The following HMCN2 variants were observed in gnomAD, a reference collection of about 807,000 sequenced individuals.
The protein encoded by HMCN2 is hemicentin 2.
A neutral mutation model predicts 377.5 loss-of-function variants in HMCN2; 325 were observed. That is an observed-to-expected ratio of 0.86 (90% confidence interval 0.79 to 0.94). HMCN2 has a LOEUF of 0.94. Ranked by LOEUF, HMCN2 falls within the 40% of genes least tolerant of loss-of-function variation. The pLI is 0.00. For synonymous variants in HMCN2, 2,007 were observed against 2,046.8 expected (o/e 0.98, Z 0.53); for missense variants, 4,543 against 4,725.3 (o/e 0.96, Z 1.13).
intron 4 of HMCN2, among the ~76,000 whole-genome samples, chr9:130,288,124 A>AT (rs1320391978): frequency 6.6e-6 from 1 of 152,180 alleles, no homozygotes; most frequent in Admixed American, 6.5e-5. Flanking sequence ...GGCCAATTGC[A>AT]TGGGAACTTG....
chr9:130,403,735 G>C lies in HMCN2; in HGVS notation c.12014-6G>C, dbSNP rs982843669. 1 of 1,289,456 alleles carries C rather than the reference G, an allele frequency of 7.8e-7. No homozygotes were observed. Among genetic ancestry groups the C allele is most frequent in the South Asian group, 1.2e-5 (1 of 80,986 alleles). 79.9% of individuals were successfully genotyped at this position (1,289,456 alleles called of 1,614,324 possible). Reference sequence around the variant, plus strand: ...CAGGCCCCCGATTTTCTTCTTCCTCGTTCAGGAGTGAGTACCCAGGTCCTA... The same window carrying C: ...CAGGCCCCCGATTTTCTTCTTCCTCCTTCAGGAGTGAGTACCCAGGTCCTA... On this transcript the variant is annotated splice_region_variant and splice_polypyrimidine_tract_variant and intron_variant, in intron 79 of 97. Transcript: ENST00000683500.
At chr9:130,397,400 CAG>C (rs1179530799) in intron 73 of HMCN2, 126 bp from the exon 74 acceptor site, 1 of 913,390 alleles carries the variant, frequency 1.1e-6, no homozygotes, top group Non-Finnish European at 1.5e-6. Flanking sequence ...TGGGTGGAGA[CAG>C]AGCCAAACCA....
intron 92 of HMCN2, 83 bp downstream of exon 92, chr9:130,427,702 C>T: frequency 1.4e-6 from 2 of 1,454,072 alleles, no homozygotes; most frequent in Non-Finnish European, 1.8e-6. Flanking sequence ...GGGCCAGGAC[C>T]CTGGCTGGGG....
At chr9:130,268,369 A>T (rs1372380359) in intron 1 of HMCN2, among the ~76,000 whole-genome samples, 2 of 124,370 alleles carry the variant, frequency 1.6e-5, no homozygotes, top group Non-Finnish European at 4.0e-5. Flanking sequence ...CTTCCGAGTG[A>T]CACCCCCAGG....
At chr9:130,432,998 T>C (rs1844853903) in intron 97 of HMCN2, 2 of 378,796 alleles carry the variant, frequency 5.3e-6, no homozygotes. Flanking sequence ...CTAAGCGCAG[T>C]CTCCACCTCC....
chr9:130,398,726 C>T lies in HMCN2; in HGVS notation c.11483+19C>T, dbSNP rs377444157. The T allele has an allele frequency of 1.9e-4, 249 of 1,285,882 alleles. 1 individual carries two copies. The East Asian group carries it at 4.0e-3, about 20-fold the overall frequency. The allele number at this position is 1,285,882 out of a possible 1,614,324, so 79.7% of individuals were successfully genotyped here. On this transcript the variant is annotated intron_variant, in intron 75 of 97. Transcript: ENST00000683500. ...CCTACCGGTAACGAGCTGGACTTTGCGGTGGCTTCCTGAGACGCACAGGGC... is the reference window on the plus strand; with the variant it reads ...CCTACCGGTAACGAGCTGGACTTTGTGGTGGCTTCCTGAGACGCACAGGGC...
In HMCN2 at chr9:130,337,980, C is replaced by A. The variant is rs1449519079; in HGVS notation, c.3446C>A (p.Pro1149His). 6.6e-6 allele frequency: 1 copy of A among 152,522 alleles called. No homozygotes were observed. The highest frequency in any genetic ancestry group is 1.5e-5 in the Non-Finnish European group (1 of 68,322). 9.4% of individuals were successfully genotyped at this position (152,522 alleles called of 1,614,324 possible). Residue 1149 changes from proline (P) to histidine (H), a missense_variant, in exon 23 of 98, where the codon CCC (proline) becomes CAC (histidine). Pro to His is a moderately conservative substitution (Grantham distance 77). Around this residue, in one of 5 missense-constraint regions of HMCN2, gnomAD observed 547 missense variants for 189.9 expected, o/e 2.88. Transcript: ENST00000683500. ...CACTACGAGTGCACAGCCAGTAACC[C>A]CGCCGGGTCCGCCTCCCATCGCTAC... ...SGHYECTASN[P>H]AGSASHRYVL...
Position 130,303,044 on chromosome 9 carries a change from C to T in HMCN2, c.1421+43C>T, listed in dbSNP as rs531744641. ...GCTGATTGTCCCCAGCCACAGGGCT[C>T]CTGGCTGCTGAGGCCCTGGAGGGAT... On this transcript the variant is annotated intron_variant, in intron 9 of 97. Coordinates refer to ENST00000683500, the MANE Select transcript of HMCN2 (RefSeq NM_001291815.2). The surrounding 1 kb of genome is among the most constrained non-coding windows in gnomAD (Gnocchi z 5.2). 4 of 446,220 alleles carry T rather than the reference C, an allele frequency of 9.0e-6. No homozygotes were observed. Among genetic ancestry groups the T allele is most frequent in the South Asian group, 6.7e-5 (4 of 60,066 alleles). 27.6% of individuals were successfully genotyped at this position (446,220 alleles called of 1,614,324 possible).
At chr9:130,367,636 G>A (rs1840766104) in intron 43 of HMCN2, among the ~76,000 whole-genome samples, 1 of 151,872 alleles carries the variant, frequency 6.6e-6, no homozygotes, top group Non-Finnish European at 1.5e-5. Context: ...AGGCCCTGGG[G>A]AGCCACTAAG....
rs947196536 is a variant in HMCN2 at position 130,345,484 on chromosome 9, T to G, written c.3830-1682T>G. ...TGTGTATAGGGTGTGGTGTGTGTGTTGTTTGGTATGTATGTCATGTGTGGT... is the reference window on the plus strand; with the variant it reads ...TGTGTATAGGGTGTGGTGTGTGTGTGGTTTGGTATGTATGTCATGTGTGGT... On this transcript the variant is annotated intron_variant, in intron 25 of 97. Coordinates refer to ENST00000683500, the MANE Select transcript of HMCN2 (RefSeq NM_001291815.2). Among the ~76,000 whole-genome samples the G allele has an allele frequency of 1.9e-4, 29 of 149,170 alleles. No individual in the cohort carries two copies. The East Asian group carries it at 5.7e-3, about 30-fold the overall frequency.
rs773516284 is a variant in HMCN2 at position 130,351,954 on chromosome 9, G to A, written c.4585+377G>A. Among the ~76,000 whole-genome samples, 1 of 152,044 alleles carries A rather than the reference G, an allele frequency of 6.6e-6. No homozygotes were observed. The highest frequency in any genetic ancestry group is 1.5e-5 in the Non-Finnish European group (1 of 68,024). On this transcript the variant is annotated intron_variant, in intron 30 of 97. Coordinates refer to ENST00000683500, the MANE Select transcript of HMCN2 (RefSeq NM_001291815.2). The surrounding 1 kb of genome is among the most constrained non-coding windows in gnomAD (Gnocchi z 5.4). Reference sequence around the variant, plus strand: ...AGCCTCCCGAGTAGCTGGGATTACAGGTGCCCACCACCACACCCAGTTCAT... The same window carrying A: ...AGCCTCCCGAGTAGCTGGGATTACAAGTGCCCACCACCACACCCAGTTCAT...
chr9:130,377,021 A>T (rs1010355048), intron 52 of HMCN2, among the ~76,000 whole-genome samples: 1 of 151,586 alleles, frequency 6.6e-6, no homozygotes, highest in South Asian at 2.1e-4. Flanking sequence ...TTGGTCTCGC[A>T]CTCCTGACCT....
chr9:130,296,151 TG>T (rs1458796284), intron 6 of HMCN2, among the ~76,000 whole-genome samples: 4 of 152,140 alleles, frequency 2.6e-5, no homozygotes, highest in African/African-American at 4.8e-5. Flanking sequence ...TACAGGGTGC[TG>T]GGAGCCAGGG....
At position 130,417,548 on chromosome 9, in the gene HMCN2, C is replaced by G. The variant is rs4998705; in HGVS notation, c.12962-1224C>G. ...AAAAAAAAAAAAAAACAAAAAAAAA[C>G]GAGAGAGACAGAGAGCTGGGGTGGT... On this transcript the variant is annotated intron_variant, in intron 85 of 97. Transcript: ENST00000683500. Among the ~76,000 whole-genome samples, 10 of 133,586 alleles carry G rather than the reference C, an allele frequency of 7.5e-5. 1 individual carries two copies. Among genetic ancestry groups the G allele is most frequent in the Admixed American group, 1.6e-4 (2 of 12,520 alleles). The allele number at this position is 133,586 out of a possible 152,430, so 87.6% of individuals were successfully genotyped here.
chr9:130,286,964 GTC>G (rs1564748734), intron 4 of HMCN2, among the ~76,000 whole-genome samples: 1 of 152,088 alleles, frequency 6.6e-6, no homozygotes, highest in Admixed American at 6.5e-5. Flanking sequence ...CCACACTCCC[GTC>G]CGCTCCCAGG....
intron 4 of HMCN2, among the ~76,000 whole-genome samples, chr9:130,287,551 TA>T (rs142931668): frequency 0.086 from 7,961 of 92,950 alleles, 376 homozygotes; most frequent in Non-Finnish European, 0.11. Flanking sequence ...AACTCTGTCT[TA>T]AAAAAAAAAA....
chr9:130,403,861 G>C lies in HMCN2; in HGVS notation c.12134G>C (p.Arg4045Pro). Residue 4045 changes from arginine to proline, a missense_variant, in exon 80 of 98, where the codon CGG becomes CCG. Arg to Pro is a moderately radical substitution (Grantham distance 103, BLOSUM62 -2). Coordinates refer to ENST00000683500, the MANE Select transcript of HMCN2 (RefSeq NM_001291815.2). Reference protein sequence around the residue: ...NSAGSAMGKTRLVVQVPPVIE... With the variant: ...NSAGSAMGKTPLVVQVPPVIE... Reference sequence around the variant, plus strand: ...GCGGGCAGTGCCATGGGGAAGACGCGGCTGGTGGTGCAAGGTGGGAGTGAG... The same window carrying C: ...GCGGGCAGTGCCATGGGGAAGACGCCGCTGGTGGTGCAAGGTGGGAGTGAG... The C allele has an allele frequency of 7.8e-7, 1 of 1,289,434 alleles. No individual in the cohort carries two copies. Among genetic ancestry groups the C allele is most frequent in the Non-Finnish European group, 1.0e-6 (1 of 988,598 alleles). 79.9% of individuals were successfully genotyped at this position (1,289,434 alleles called of 1,614,324 possible).
intron 14 of HMCN2, among the ~76,000 whole-genome samples, 176 bp downstream of exon 14, chr9:130,307,742 C>T (rs1262508770): frequency 3.9e-5 from 6 of 152,086 alleles, no homozygotes; most frequent in African/African-American, 1.4e-4. Context: ...ACCCTCACCC[C>T]CAGCCTGTGT....
chr9:130,393,831 G>C lies in HMCN2; in HGVS notation c.10324G>C (p.Val3442Leu), dbSNP rs865832305. 3.9e-6 allele frequency: 5 copies of C among 1,289,226 alleles called. No homozygotes were observed. The highest frequency in any genetic ancestry group is 2.1e-4 in the Middle Eastern group (1 of 4,712). 79.9% of individuals were successfully genotyped at this position (1,289,226 alleles called of 1,614,324 possible). ...GGAACTCCCGTGCGAGGCCCGGGGC[G>C]TTCCCCTGCCTCTCGTGTCGTGGAT... ...LVELPCEARG[V>L]PLPLVSWMKD... Residue 3442 changes from valine (V) to leucine (L), a missense_variant, in exon 68 of 98, where the codon GTT (valine) becomes CTT (leucine). Physicochemically the swap from Val to Leu is conservative, Grantham distance 32 (BLOSUM62 1). Transcript: ENST00000683500. This position sits in a 1 kb window ranked among gnomAD's most constrained non-coding sequence, Gnocchi z 5.2.
Sources: allele counts gnomAD v4.1 joint callset (sites outside exome capture counted in the v4.1 genomes callset), GRCh38; gene constraint gnomAD v4.1.1; regional missense constraint gnomAD v4.1.1; non-coding constraint Gnocchi (gnomAD v3.1); transcripts MANE v1.5; gene names NCBI Gene and HGNC (gene_info 2026-07-23, HGNC 2026-07-21).